The following SPMIP3 variants were observed in gnomAD, a reference collection of about 807,000 sequenced individuals.
SPMIP3 encodes the protein protein SPMIP3.
chr1:244,374,587 CTTTTTTTT>C, the SPMIP3 span, among the ~76,000 whole-genome samples: 254 of 74,646 alleles, frequency 3.4e-3, 2 homozygotes, highest in Non-Finnish European at 3.8e-3. Flanking sequence ...CCACATTTCT[CTTTTTTTT>C]TTTTTTTTTT....
At chr1:244,377,174 T>G in the SPMIP3 span, among the ~76,000 whole-genome samples, 1 of 149,684 alleles carries the variant, frequency 6.7e-6, no homozygotes, top group Non-Finnish European at 1.5e-5. Flanking sequence ...CAGGCTGGAC[T>G]GCAGTGGCGT....
the SPMIP3 span, among the ~76,000 whole-genome samples, chr1:244,353,008 G>A: frequency 6.6e-6 from 1 of 152,116 alleles, no homozygotes; most frequent in Non-Finnish European, 1.5e-5. Context: ...TTGGTTCTCT[G>A]TGATACAAGA....
the SPMIP3 span, chr1:244,389,318 C>A: frequency 3.2e-6 from 1 of 309,586 alleles, no homozygotes; most frequent in South Asian, 4.3e-5. Flanking sequence ...AGCTATCTTA[C>A]ATTTAGGCCA....
the SPMIP3 span, among the ~76,000 whole-genome samples, chr1:244,373,727 T>C: frequency 1.1e-4 from 17 of 151,892 alleles, no homozygotes; most frequent in East Asian, 3.1e-3. Context: ...GAAAGTAAAG[T>C]CATAGCAAAA....
the SPMIP3 span, chr1:244,389,621 G>C: frequency 6.6e-6 from 1 of 152,116 alleles, no homozygotes; most frequent in African/African-American, 2.4e-5. Context: ...GAAAGCTAAA[G>C]GGTCTTCTCT....
the SPMIP3 span, among the ~76,000 whole-genome samples, chr1:244,359,848 C>T: frequency 0.014 from 2,186 of 152,068 alleles, 21 homozygotes; most frequent in Non-Finnish European, 0.022. Context: ...CGGTGGCTCA[C>T]GCCTGTAATC....
the SPMIP3 span, among the ~76,000 whole-genome samples, chr1:244,372,444 A>T: frequency 2.1e-5 from 3 of 140,816 alleles, no homozygotes; most frequent in African/African-American, 5.2e-5. Flanking sequence ...CTGACTCTGA[A>T]TTTTTTTTTT....
At chr1:244,378,511 A>C in the SPMIP3 span, 1 of 1,613,762 alleles carries the variant, frequency 6.2e-7, no homozygotes, top group Non-Finnish European at 8.5e-7. Context: ...AAATATCACT[A>C]TCAGCCTCAA....
chr1:244,360,509 TACACACACACACAC>T, the SPMIP3 span, among the ~76,000 whole-genome samples: 69 of 59,150 alleles, frequency 1.2e-3, no homozygotes, highest in East Asian at 4.4e-3. Flanking sequence ...AAACGTGATA[TACACACACACACAC>T]ACACACACAC....
the SPMIP3 span, among the ~76,000 whole-genome samples, chr1:244,372,188 C>G: frequency 2.0e-5 from 3 of 152,206 alleles, no homozygotes; most frequent in African/African-American, 7.2e-5. Context: ...TCTAGATACT[C>G]CTCCCTCTTC....
chr1:244,375,292 T>G, the SPMIP3 span: 2 of 1,165,670 alleles, frequency 1.7e-6, no homozygotes, highest in East Asian at 2.4e-5. Context: ...ACGTTTTGTA[T>G]TATGCCGCAG....
At chr1:244,383,802 C>T in the SPMIP3 span, among the ~76,000 whole-genome samples, 31 of 151,916 alleles carry the variant, frequency 2.0e-4, no homozygotes, top group African/African-American at 6.5e-4. Context: ...GAGCAGGGTG[C>T]GGTGGAGGGA....
the SPMIP3 span, among the ~76,000 whole-genome samples, chr1:244,360,524 A>G: frequency 1.7e-5 from 1 of 57,738 alleles, no homozygotes; most frequent in African/African-American, 5.0e-5. Context: ...ACACACACAC[A>G]CACACACACA....
chr1:244,380,966 G>A, the SPMIP3 span, among the ~76,000 whole-genome samples: 10 of 152,086 alleles, frequency 6.6e-5, no homozygotes, highest in South Asian at 8.3e-4. Context: ...GCTCCGAGAC[G>A]ACTGGAGCCT....
the SPMIP3 span, chr1:244,364,756 G>C: frequency 1.9e-6 from 3 of 1,614,064 alleles, no homozygotes; most frequent in African/African-American, 1.3e-5. Context: ...ATCCCGCCAA[G>C]GTATAGTTCT....
the SPMIP3 span, among the ~76,000 whole-genome samples, chr1:244,366,741 G>C: frequency 6.6e-6 from 1 of 152,090 alleles, no homozygotes. Context: ...TTAGCCAGGC[G>C]TGGTGGCACA....
At chr1:244,384,528 TA>T in the SPMIP3 span, among the ~76,000 whole-genome samples, 8 of 152,138 alleles carry the variant, frequency 5.3e-5, no homozygotes, top group East Asian at 1.5e-3. Flanking sequence ...TAATTTTGGT[TA>T]CATTGCTTGG....
At chr1:244,360,444 A>G in the SPMIP3 span, among the ~76,000 whole-genome samples, 1 of 151,742 alleles carries the variant, frequency 6.6e-6, no homozygotes, top group Non-Finnish European at 1.5e-5. Context: ...ACTATTCACA[A>G]TAGCCAAGCT....
chr1:244,363,420 A>AAACC, the SPMIP3 span, among the ~76,000 whole-genome samples: 2 of 151,492 alleles, frequency 1.3e-5, no homozygotes, highest in East Asian at 3.9e-4. Context: ...ACAAACAAAC[A>AAACC]ATCAGATGTG....
Sources: gnomAD v4.1 joint callset for allele counts (sites outside exome capture counted in the v4.1 genomes callset) on GRCh38, gnomAD v4.1.1 for gene constraint, MANE v1.5 for transcripts, NCBI Gene and HGNC (gene_info 2026-07-23, HGNC 2026-07-21) for gene names.